The following GABRG2 variants were observed in gnomAD, a reference collection of about 807,000 sequenced individuals.
GABRG2 encodes gamma-aminobutyric acid receptor subunit gamma-2.
Under a neutral mutation model 56.4 loss-of-function variants are expected in GABRG2, and 16 were observed. That is an observed-to-expected ratio of 0.28 (90% CI 0.19 to 0.43). GABRG2 has a LOEUF of 0.43. GABRG2 is among the 20% of genes least tolerant of loss of function. GABRG2 has a pLI of 1.00. For synonymous variants in GABRG2, 208 were observed against 205.5 expected, an observed-to-expected ratio of 1.01 and a Z score of -0.10; for missense variants, 327 against 582.7, an observed-to-expected ratio of 0.56 and a Z score of 4.52.
intron 7 of GABRG2, 145 bp downstream of exon 7, chr5:162,142,461 C>A (rs995200400): frequency 3.5e-6 from 3 of 865,278 alleles, no homozygotes; most frequent in East Asian, 5.3e-5. Flanking sequence ...AGAGAACTGG[C>A]ATTTTTAATT....
intron 6 of GABRG2, among the ~76,000 whole-genome samples, chr5:162,136,421 G>A (rs1561656615): frequency 6.6e-6 from 1 of 151,976 alleles, no homozygotes; most frequent in Non-Finnish European, 1.5e-5. Context: ...GTTTAATATG[G>A]CTACCATTTT....
intron 1 of GABRG2, among the ~76,000 whole-genome samples, chr5:162,082,148 A>G (rs1417502655): frequency 6.6e-6 from 1 of 151,956 alleles, no homozygotes; most frequent in East Asian, 1.9e-4. Flanking sequence ...CCCAATGGAT[A>G]TTAGAAAGAC....
intron 7 of GABRG2, among the ~76,000 whole-genome samples, chr5:162,148,787 C>A (rs1048929464): frequency 6.6e-6 from 1 of 152,142 alleles, no homozygotes; most frequent in Non-Finnish European, 1.5e-5. Context: ...TCTCACCATC[C>A]CTGTATTCTC....
intron 6 of GABRG2, among the ~76,000 whole-genome samples, chr5:162,124,749 C>T (rs1364516831): frequency 2.6e-5 from 4 of 151,738 alleles, no homozygotes; most frequent in Middle Eastern, 3.4e-3. Context: ...CTTAATGCGC[C>T]GCATGACACA....
chr5:162,114,501 G>T (rs1762476578), intron 6 of GABRG2, among the ~76,000 whole-genome samples: 2 of 151,926 alleles, frequency 1.3e-5, no homozygotes, highest in African/African-American at 2.4e-5. Context: ...AGCACCATTT[G>T]CACCCCAGCC....
At position 162,153,439 on chromosome 5, in the gene GABRG2, C is replaced by CTTAAATAATCCTCTA. The variant is rs1765517684; in HGVS notation, c.*73_*87dup. ...TGGAGAGATGTCTGTTCTAAGTCCACTTAAATAATCCTCTATGTGGTTGAT... is the reference window on the plus strand; with the variant it reads ...TGGAGAGATGTCTGTTCTAAGTCCACTTAAATAATCCTCTATTAAATAATCCTCTATGTGGTTGAT... On this transcript the variant is annotated 3_prime_UTR_variant, in exon 10 of 10. Coordinates refer to ENST00000639213, the MANE Select transcript of GABRG2 (RefSeq NM_198904.4). 1 of 1,509,970 alleles carries CTTAAATAATCCTCTA rather than the reference C, an allele frequency of 6.6e-7. No individual in the cohort carries two copies. Among genetic ancestry groups the CTTAAATAATCCTCTA allele is most frequent in the Admixed American group, 1.7e-5 (1 of 59,824 alleles). The allele number at this position is 1,509,970 out of a possible 1,614,324, so 93.5% of individuals were successfully genotyped here. A position where few individuals can be genotyped will look rare whatever the true frequency, so the allele number is the denominator to read the frequency against.
chr5:162,141,345 C>CT (rs1334465030), intron 6 of GABRG2, among the ~76,000 whole-genome samples: 1 of 152,132 alleles, frequency 6.6e-6, no homozygotes, highest in Non-Finnish European at 1.5e-5. Flanking sequence ...CCAAATTTTG[C>CT]TTTTTAATTC....
chr5:162,123,971 A>G (rs899159104), intron 6 of GABRG2, among the ~76,000 whole-genome samples: 3 of 151,988 alleles, frequency 2.0e-5, no homozygotes, highest in African/African-American at 7.2e-5. Flanking sequence ...TCTTTTATCC[A>G]TATAAGCAAA....
intron 6 of GABRG2, among the ~76,000 whole-genome samples, chr5:162,105,480 A>AGT (rs1317466614): frequency 1.7e-5 from 2 of 118,462 alleles, no homozygotes. Context: ...CCCAGGCTGG[A>AGT]GTGCAGTGGC....
At chr5:162,072,869 A>T (rs1265777582) in intron 1 of GABRG2, among the ~76,000 whole-genome samples, 1 of 152,010 alleles carries the variant, frequency 6.6e-6, no homozygotes, top group Non-Finnish European at 1.5e-5. Flanking sequence ...ATAAGTAAAC[A>T]TGTATACATA....
intron 3 of GABRG2, among the ~76,000 whole-genome samples, chr5:162,096,130 G>C (rs1427724022): frequency 6.6e-6 from 1 of 151,868 alleles, no homozygotes; most frequent in Non-Finnish European, 1.5e-5. Context: ...AAAACTATAA[G>C]TTTAAAATCA....
intron 6 of GABRG2, among the ~76,000 whole-genome samples, chr5:162,109,063 T>TA (rs1297687375): frequency 6.6e-6 from 1 of 151,998 alleles, no homozygotes; most frequent in African/African-American, 2.4e-5. Flanking sequence ...TATGCAGCCA[T>TA]AAAAAATGAT....
chr5:162,071,294 T>G (rs945886493), intron 1 of GABRG2, among the ~76,000 whole-genome samples: 1 of 151,286 alleles, frequency 6.6e-6, no homozygotes, highest in Non-Finnish European at 1.5e-5. Flanking sequence ...AAAAAATATA[T>G]AGAAAAACAT....
chr5:162,106,781 G>A (rs1176621555), intron 6 of GABRG2, among the ~76,000 whole-genome samples: 1 of 151,986 alleles, frequency 6.6e-6, no homozygotes, highest in African/African-American at 2.4e-5. Context: ...CTGTACTTCT[G>A]ATTCCTAATT....
intron 6 of GABRG2, among the ~76,000 whole-genome samples, chr5:162,121,507 AG>A (rs992241091): frequency 1.1e-4 from 17 of 152,028 alleles, no homozygotes; most frequent in African/African-American, 4.1e-4. Context: ...GTAGATTTTT[AG>A]TTAAAATGCA....
intron 1 of GABRG2, among the ~76,000 whole-genome samples, chr5:162,088,488 T>A (rs1211284515): frequency 6.6e-6 from 1 of 152,130 alleles, no homozygotes; most frequent in African/African-American, 2.4e-5. Flanking sequence ...CTTTTATTCT[T>A]CAGTGTGGGG....
At position 162,088,382 on chromosome 5, in the gene GABRG2, G is replaced by T. The variant is rs139421616; in HGVS notation, c.108-5446G>T. 7.9e-5 allele frequency among the ~76,000 whole-genome samples: 12 copies of T among 152,244 alleles called. No individual in the cohort carries two copies. In the East Asian group the frequency reaches 1.9e-3, roughly 25 times the overall value. On this transcript the variant is annotated intron_variant, in intron 1 of 9. Coordinates refer to ENST00000639213, the MANE Select transcript of GABRG2 (RefSeq NM_198904.4). The stretch of plus-strand genomic sequence containing the variant: ...CTTTAAATTGAACTAGCTTATATGT[G>T]TGCCTTGTCTCTGTTATATACATTG...
intron 2 of GABRG2, 139 bp from the exon 3 acceptor site, chr5:162,095,356 A>T: frequency 1.5e-6 from 1 of 662,224 alleles, no homozygotes; most frequent in South Asian, 1.7e-5. Context: ...AAATGTGGTG[A>T]ATTAGTAACT....
chr5:162,099,561 C>A (rs185025054), intron 4 of GABRG2: 4 of 152,312 alleles, frequency 2.6e-5, no homozygotes, highest in African/African-American at 7.2e-5. Context: ...ACAGCCATGG[C>A]ATCTGGCCAA....
Sources: gnomAD v4.1 joint callset for allele counts (sites outside exome capture counted in the v4.1 genomes callset) on GRCh38, gnomAD v4.1.1 for gene constraint, MANE v1.5 for transcripts, NCBI Gene and HGNC (gene_info 2026-07-23, HGNC 2026-07-21) for gene names.